PRR14: variants seen among roughly 807,000 people sequenced by gnomAD.
PRR14 encodes the protein proline-rich protein 14.
PRR14 carries 33 observed loss-of-function variants against 57.2 expected under a neutral mutation model. That is an observed-to-expected ratio of 0.58 (90% confidence interval 0.44 to 0.77). The LOEUF (loss-of-function observed/expected upper bound fraction) is 0.77. Among genes scored for constraint, PRR14 ranks in the 30% least tolerant of loss-of-function variants. The pLI, the probability that PRR14 is intolerant of heterozygous loss-of-function variation, is 0.00. For synonymous variants in PRR14, 303 were observed against 314.7 expected, an observed-to-expected ratio of 0.96 and a Z score of 0.39; for missense variants, 716 against 788.1, an observed-to-expected ratio of 0.91 and a Z score of 1.10.
rs770724700 is a variant in PRR14, at chr16:30,653,083, A to T, written c.484A>T (p.Ser162Cys). ...GGTGGTGATGCTGGAAGACATCGCC[A>T]GTCCTAGACCCCCCGCTGAGGTATG... The part of the protein sequence containing the change: ...TLVVMLEDIA[S>C]PRPPAEGFID... Residue 162 changes from serine to cysteine, a missense_variant, in exon 5 of 12, where the codon AGT becomes TGT. Physicochemically the swap from Ser to Cys is moderately radical, Grantham distance 112. Coordinates refer to ENST00000300835, the MANE Select transcript of PRR14 (RefSeq NM_024031.5). The T allele has an allele frequency of 2.4e-5, 38 of 1,610,312 alleles. No individual in the cohort carries two copies. The highest frequency in any genetic ancestry group is 3.2e-5 in the Non-Finnish European group (38 of 1,178,144).
At chr16:30,654,166 G>A (rs1222334466) in intron 6 of PRR14, 64 bp from the exon 7 acceptor site, 1 of 1,075,638 alleles carries the variant, frequency 9.3e-7, no homozygotes, top group Non-Finnish European at 1.4e-6. Context: ...AGGGATAGGG[G>A]AGTTGCTGGC....
At position 30,653,527 on chromosome 16, in the gene PRR14, C is replaced by G. The variant is rs2052335102; in HGVS notation, c.548+119C>G. The stretch of plus-strand genomic sequence containing the variant: ...TCCTTCCTTGTGGCATCTTAAAAAG[C>G]CTTAAGGGGCCGGGCACGCCCATGC... On this transcript the variant is annotated intron_variant, in intron 6 of 11. Coordinates refer to ENST00000300835, the MANE Select transcript of PRR14 (RefSeq NM_024031.5). The G allele has an allele frequency of 3.9e-5, 43 of 1,091,976 alleles. No homozygotes were observed. In the South Asian group the frequency reaches 5.7e-4, roughly 14 times the overall value. The allele number at this position is 1,091,976 out of a possible 1,614,324, so 67.6% of individuals were successfully genotyped here. A position where few individuals can be genotyped will look rare whatever the true frequency, so the allele number is the denominator to read the frequency against.
Position 30,651,707 on chromosome 16 carries a change from G to A in PRR14, c.23+39G>A, listed in dbSNP as rs534149345. The stretch of plus-strand genomic sequence containing the variant: ...CGGGCGGCCCGCCTGTCTTGACCCC[G>A]GGAGATGGGGATCCTGGCGACCGTG... On this transcript the variant is annotated intron_variant, in intron 2 of 11. Transcript: ENST00000300835. The surrounding 1 kb of genome is among the most constrained non-coding windows in gnomAD (Gnocchi z 5.0). 11 of 1,612,366 alleles carry A rather than the reference G, an allele frequency of 6.8e-6. No individual in the cohort carries two copies. The highest frequency in any genetic ancestry group is 9.3e-6 in the Non-Finnish European group (11 of 1,179,716).
intron 3 of PRR14, 51 bp from the exon 4 acceptor site, chr16:30,652,670 C>T (rs2052324833): frequency 6.2e-7 from 1 of 1,611,278 alleles, no homozygotes. Context: ...AAACCTTGTC[C>T]CGTCCAGCCT....
chr16:30,653,275 A>C, intron 5 of PRR14, 90 bp from the exon 6 acceptor site: 2 of 1,485,938 alleles, frequency 1.3e-6, no homozygotes, highest in Non-Finnish European at 1.9e-6. Flanking sequence ...GCGTGAACCC[A>C]AGCAGCTATC....
rs568309526 is a variant in PRR14 at position 30,655,297 on chromosome 16, C to T, written c.1245-54C>T. The stretch of plus-strand genomic sequence containing the variant: ...CCCTGAGTATCCAGTGGGCAGGAGA[C>T]GGGGGATAATGCAGTGAATCCTGTT... On this transcript the variant is annotated intron_variant, in intron 8 of 11. Coordinates refer to ENST00000300835, the MANE Select transcript of PRR14 (RefSeq NM_024031.5). The surrounding 1 kb of genome is among the most constrained non-coding windows in gnomAD (Gnocchi z 4.6). 47 of 1,608,034 alleles carry T rather than the reference C, an allele frequency of 2.9e-5. No homozygotes were observed. Among genetic ancestry groups the T allele is most frequent in the African/African-American group, 1.2e-4 (9 of 74,942 alleles).
intron 5 of PRR14, 66 bp from the exon 6 acceptor site, chr16:30,653,299 A>T: frequency 6.5e-7 from 1 of 1,542,868 alleles, no homozygotes; most frequent in Non-Finnish European, 9.0e-7. Flanking sequence ...GAACTGAAAG[A>T]GTCAGGATGT....
rs771512016 is a variant in PRR14 at position 30,656,289 on chromosome 16, G to A, written c.1736G>A (p.Arg579Gln). 16 of 1,612,330 alleles carry A rather than the reference G, an allele frequency of 9.9e-6. No individual in the cohort carries two copies. The South Asian group carries it at 1.2e-4, about 12-fold the overall frequency. ...ALLLEEETVDREQPHWT is the reference protein window; with the variant it reads ...ALLLEEETVDQEQPHWT ...CTCCTGGAGGAAGAAACAGTAGATC[G>A]GGAGCAGCCCCACTGGACCTAGGTG... Residue 579 changes from arginine (R) to glutamine (Q), a missense_variant, in exon 12 of 12, where the codon CGG becomes CAG. Coordinates refer to ENST00000300835, the MANE Select transcript of PRR14 (RefSeq NM_024031.5).
At position 30,655,640 on chromosome 16, in the gene PRR14, G is replaced by A. The variant is rs1235016395; in HGVS notation, c.1406+47G>A. The A allele has an allele frequency of 1.3e-6, 2 of 1,541,472 alleles. No individual in the cohort carries two copies. Among genetic ancestry groups the A allele is most frequent in the African/African-American group, 2.7e-5 (2 of 73,400 alleles). On this transcript the variant is annotated intron_variant, in intron 10 of 11. Coordinates refer to ENST00000300835, the MANE Select transcript of PRR14 (RefSeq NM_024031.5). This position sits in a 1 kb window ranked among gnomAD's most constrained non-coding sequence, Gnocchi z 4.6. ...GAGCCATCTTGGCCAAACAGATGCA[G>A]GCTTATGTCCCCTGAAGTATAGCTT...
rs2052329672 is a variant in PRR14, at chr16:30,653,008, C to T, written c.409C>T (p.Pro137Ser). ...GCGGCGATCAAGGACAACCCCTGGCCCAGAGGAGGGCCCTTCACAAAAGGT... is the reference window on the plus strand; with the variant it reads ...GCGGCGATCAAGGACAACCCCTGGCTCAGAGGAGGGCCCTTCACAAAAGGT... Reference protein sequence around the residue: ...LRRRSRTTPGPEEGPSQKVDR... With the variant: ...LRRRSRTTPGSEEGPSQKVDR... The change falls in exon 5 of 12, where the codon CCA (proline) becomes TCA (serine). Residue 137 changes from proline (P) to serine (S), a missense_variant. Pro to Ser is a moderately conservative substitution (Grantham distance 74, BLOSUM62 -1). Transcript: ENST00000300835. The T allele has an allele frequency of 6.2e-7, 1 of 1,614,144 alleles. No individual in the cohort carries two copies. Among genetic ancestry groups the T allele is most frequent in the South Asian group, 1.1e-5 (1 of 91,078 alleles).
chr16:30,653,308 G>A (rs1265409479), intron 5 of PRR14, 57 bp from the exon 6 acceptor site: 2 of 1,568,334 alleles, frequency 1.3e-6, no homozygotes, highest in African/African-American at 2.7e-5. Context: ...GAGTCAGGAT[G>A]TGGGGCACTA....
chr16:30,652,137 T>C, intron 3 of PRR14, 173 bp downstream of exon 3: 1 of 736,404 alleles, frequency 1.4e-6, no homozygotes, highest in Non-Finnish European at 2.2e-6. Flanking sequence ...TACTCCAACC[T>C]AGAATTGGGC....
Position 30,655,601 on chromosome 16 carries a change from G to T in PRR14, c.1406+8G>T. On this transcript the variant is annotated splice_region_variant and intron_variant, in intron 10 of 11. Transcript: ENST00000300835. The surrounding 1 kb of genome is among the most constrained non-coding windows in gnomAD (Gnocchi z 4.6). ...ACTGCCTCGACCAATCAGGTGAGGG[G>T]CTCACTGGGCATTGAGCCATCTTGG... 5 of 1,612,650 alleles carry T rather than the reference G, an allele frequency of 3.1e-6. No homozygotes were observed. The highest frequency in any genetic ancestry group is 4.2e-6 in the Non-Finnish European group (5 of 1,178,698).
In PRR14 at chr16:30,651,261, A is replaced by G. The variant is rs934679477; in HGVS notation, c.-51+134A>G. The G allele has an allele frequency of 1.5e-5, 5 of 329,260 alleles. No homozygotes were observed. Among genetic ancestry groups the G allele is most frequent in the African/African-American group, 1.1e-4 (5 of 46,374 alleles). 20.4% of individuals were successfully genotyped at this position (329,260 alleles called of 1,614,324 possible). On this transcript the variant is annotated intron_variant, in intron 1 of 11. Transcript: ENST00000300835. This position sits in a 1 kb window ranked among gnomAD's most constrained non-coding sequence, Gnocchi z 5.0. Reference sequence around the variant, plus strand: ...AGGATCGCAGAGGGATCCAGCGGAAATAGCCTCCCAGGACCGGGATCCCCG... The same window carrying G: ...AGGATCGCAGAGGGATCCAGCGGAAGTAGCCTCCCAGGACCGGGATCCCCG...
intron 6 of PRR14, 62 bp from the exon 7 acceptor site, chr16:30,654,168 G>T: frequency 8.9e-7 from 1 of 1,126,534 alleles, no homozygotes; most frequent in Non-Finnish European, 1.3e-6. Flanking sequence ...GGATAGGGGA[G>T]TTGCTGGCTC....
rs749157485 is a variant in PRR14, at chr16:30,651,618, G to A, written c.-28G>A. On this transcript the variant is annotated 5_prime_UTR_variant, in exon 2 of 12. Transcript: ENST00000300835. The surrounding 1 kb of genome is among the most constrained non-coding windows in gnomAD (Gnocchi z 5.0). ...CAGGCCGCAGCCTGGGATTCCCCAG[G>A]GACCCCCCCGGAGCCGCCGCGTCTC... is the stretch of plus-strand genomic sequence containing the variant. 5.1e-6 allele frequency: 8 copies of A among 1,578,458 alleles called. No homozygotes were observed. In the African/African-American group the frequency reaches 9.5e-5, roughly 19 times the overall value.
chr16:30,653,082 C>A lies in PRR14; in HGVS notation c.483C>A (p.Ala161=), dbSNP rs2052330488. The stretch of plus-strand genomic sequence containing the variant: ...TGGTGGTGATGCTGGAAGACATCGC[C>A]AGTCCTAGACCCCCCGCTGAGGTAT... ...PTLVVMLEDI[A]SPRPPAEGFI... is the part of the protein sequence containing the mutation. The change falls in exon 5 of 12, where the codon GCC becomes GCA. Residue 161 remains alanine, a synonymous_variant. Coordinates refer to ENST00000300835, the MANE Select transcript of PRR14 (RefSeq NM_024031.5). The A allele has an allele frequency of 1.9e-6, 3 of 1,610,018 alleles. No individual in the cohort carries two copies. In the Admixed American group the frequency reaches 5.0e-5, roughly 27 times the overall value.
rs535353091 is a variant in PRR14 at position 30,656,199 on chromosome 16, A to G, written c.1646A>G (p.Asn549Ser). ...RAAGGRTVPP[N>S]VAPSPDVGPL... ...GCAGGGGGCAGGACTGTTCCTCCCA[A>G]TGTGGCCCCCAGCCCTGATGTGGGC... The change falls in exon 12 of 12, where the codon AAT becomes AGT. Residue 549 changes from asparagine to serine, a missense_variant. Coordinates refer to ENST00000300835, the MANE Select transcript of PRR14 (RefSeq NM_024031.5). 4.3e-6 allele frequency: 7 copies of G among 1,612,136 alleles called. No individual in the cohort carries two copies. The highest frequency in any genetic ancestry group is 4.0e-5 in the African/African-American group (3 of 74,878).
At position 30,651,708 on chromosome 16, in the gene PRR14, G is replaced by A. The variant is rs775482498; in HGVS notation, c.23+40G>A. 368 of 1,612,216 alleles carry A rather than the reference G, an allele frequency of 2.3e-4. 2 individuals carry two copies. Among genetic ancestry groups the A allele is most frequent in the South Asian group, 1.6e-3 (148 of 91,080 alleles). ...GGGCGGCCCGCCTGTCTTGACCCCG[G>A]GAGATGGGGATCCTGGCGACCGTGC... On this transcript the variant is annotated intron_variant, in intron 2 of 11. Transcript: ENST00000300835. This position sits in a 1 kb window ranked among gnomAD's most constrained non-coding sequence, Gnocchi z 5.0.
Sources: gnomAD v4.1 joint callset for allele counts on GRCh38, gnomAD v4.1.1 for gene constraint, Gnocchi (gnomAD v3.1) non-coding constraint, MANE v1.5 for transcripts, NCBI Gene and HGNC (gene_info 2026-07-23, HGNC 2026-07-21) for gene names.